The following OPCML variants were observed in gnomAD, a reference collection of about 807,000 sequenced individuals.
OPCML encodes the protein opioid-binding protein/cell adhesion molecule.
A neutral mutation model predicts 37.8 loss-of-function variants in OPCML; 13 were observed. The ratio of observed to expected loss-of-function variants is 0.34; its 90% CI spans 0.22 to 0.55. The LOEUF (loss-of-function observed/expected upper bound fraction) is 0.55, where lower values mean the gene tolerates loss of function less well. OPCML is among the 20% of genes least tolerant of loss of function. The pLI is 0.91. For missense variants in OPCML, 341 were observed against 435.6 expected, an observed-to-expected ratio of 0.78 and a Z score of 1.93; for synonymous variants, 176 against 168.8, an observed-to-expected ratio of 1.04 and a Z score of -0.33.
At chr11:133,246,178 G>T (rs908831174) in intron 1 of OPCML, among the ~76,000 whole-genome samples, 2 of 152,130 alleles carry the variant, frequency 1.3e-5, no homozygotes, top group African/African-American at 4.8e-5. Flanking sequence ...GTTTCATACT[G>T]GACATTAAAA....
chr11:133,075,911 T>G (rs1041930864), intron 1 of OPCML, among the ~76,000 whole-genome samples: 2 of 152,212 alleles, frequency 1.3e-5, no homozygotes, highest in African/African-American at 4.8e-5. Flanking sequence ...TTTTTTCCTT[T>G]TTATTCAGTT....
chr11:132,918,028 C>T (rs889929696), intron 2 of OPCML, among the ~76,000 whole-genome samples: 3 of 152,082 alleles, frequency 2.0e-5, no homozygotes, highest in Non-Finnish European at 2.9e-5. Flanking sequence ...ATATGTTTTC[C>T]TATTTTATGA....
chr11:133,042,788 G>A (rs1174455199), intron 1 of OPCML, among the ~76,000 whole-genome samples: 3 of 152,124 alleles, frequency 2.0e-5, no homozygotes, highest in East Asian at 1.9e-4. Context: ...TCAGCTACTC[G>A]CTGAAGCAAG....
chr11:132,417,051 T>G lies in OPCML; in HGVS notation c.*3142A>C, dbSNP rs2095941192. The G allele has an allele frequency of 6.6e-6, 1 of 152,616 alleles. No individual in the cohort carries two copies. Among genetic ancestry groups the G allele is most frequent in the African/African-American group, 2.4e-5 (1 of 41,448 alleles). The allele number at this position is 152,616 out of a possible 1,614,324, so 9.5% of individuals were successfully genotyped here. A position where few individuals can be genotyped will look rare whatever the true frequency, so the allele number is the denominator to read the frequency against. On this transcript the variant is annotated 3_prime_UTR_variant, in exon 8 of 8. Transcript: ENST00000524381. ...ATCTCCTAACAGGACTTATTTGGCT[T>G]CCTTTTCATGTGGAAAACCTGCAAG... is the stretch of plus-strand genomic sequence containing the variant.
At chr11:132,458,435 C>T (rs538432301) in intron 4 of OPCML, among the ~76,000 whole-genome samples, 1 of 152,136 alleles carries the variant, frequency 6.6e-6, no homozygotes, top group Non-Finnish European at 1.5e-5. Context: ...TCCTTTTCAG[C>T]CTGTCTTGCA....
chr11:132,981,238 C>T (rs1262912738), intron 1 of OPCML, among the ~76,000 whole-genome samples: 8 of 152,204 alleles, frequency 5.3e-5, no homozygotes, highest in African/African-American at 1.9e-4. Context: ...CATTTTAGAA[C>T]ACTTTCAGCC....
intron 1 of OPCML, among the ~76,000 whole-genome samples, chr11:133,459,950 A>G (rs567009910): frequency 6.9e-4 from 105 of 152,180 alleles, no homozygotes; most frequent in Non-Finnish European, 9.7e-4. Context: ...TGCACTCTTC[A>G]TGATAACTCA....
intron 3 of OPCML, among the ~76,000 whole-genome samples, chr11:132,653,542 G>A (rs1483385455): frequency 6.6e-6 from 1 of 152,146 alleles, no homozygotes; most frequent in Non-Finnish European, 1.5e-5. Flanking sequence ...ATGCTCACAC[G>A]GTGCCTGTGC....
chr11:132,989,925 G>A (rs929996961), intron 1 of OPCML, among the ~76,000 whole-genome samples: 5 of 152,006 alleles, frequency 3.3e-5, no homozygotes, highest in Non-Finnish European at 5.9e-5. Flanking sequence ...ATCACCCTTG[G>A]ATGATTTTCC....
intron 1 of OPCML, among the ~76,000 whole-genome samples, chr11:133,505,768 A>G (rs1417105243): frequency 2.0e-5 from 3 of 152,254 alleles, no homozygotes; most frequent in Non-Finnish European, 4.4e-5. Context: ...GACATGAATT[A>G]TAACTATCAC....
intron 2 of OPCML, among the ~76,000 whole-genome samples, chr11:132,928,384 G>A (rs144677208): frequency 6.6e-6 from 1 of 151,864 alleles, no homozygotes; most frequent in Non-Finnish European, 1.5e-5. Flanking sequence ...AAAAACACAT[G>A]ATGTTATATA....
chr11:132,486,770 C>T (rs895362473), intron 4 of OPCML, among the ~76,000 whole-genome samples: 11 of 151,584 alleles, frequency 7.3e-5, no homozygotes, highest in Non-Finnish European at 1.2e-4. Context: ...TGGTATAAAA[C>T]GGATGGCTAG....
At chr11:133,379,646 C>A (rs961520626) in intron 1 of OPCML, among the ~76,000 whole-genome samples, 1 of 152,178 alleles carries the variant, frequency 6.6e-6, no homozygotes, top group Non-Finnish European at 1.5e-5. Flanking sequence ...AGGCTCTGTG[C>A]CGTTTCTCTA....
At chr11:132,807,066 A>C (rs753525455) in intron 2 of OPCML, among the ~76,000 whole-genome samples, 14 of 152,212 alleles carry the variant, frequency 9.2e-5, no homozygotes, top group Non-Finnish European at 2.1e-4. Flanking sequence ...TGCCTGTATT[A>C]GAAAAGAAGA....
chr11:132,438,646 T>G (rs2096021254), intron 4 of OPCML, among the ~76,000 whole-genome samples: 1 of 150,060 alleles, frequency 6.7e-6, no homozygotes, highest in Non-Finnish European at 1.5e-5. Context: ...TGGGCTGGTG[T>G]CCAGGGTATA....
intron 1 of OPCML, among the ~76,000 whole-genome samples, chr11:133,008,672 G>A (rs1296812507): frequency 6.6e-6 from 1 of 152,170 alleles, no homozygotes; most frequent in Non-Finnish European, 1.5e-5. Context: ...CCCTTTGTTT[G>A]GTGGCAACTT....
At chr11:132,661,922 C>T (rs1171698286) in intron 2 of OPCML, among the ~76,000 whole-genome samples, 2 of 152,150 alleles carry the variant, frequency 1.3e-5, no homozygotes, top group Non-Finnish European at 2.9e-5. Context: ...GGAAAGCTAT[C>T]TGGAAGACAC....
intron 1 of OPCML, among the ~76,000 whole-genome samples, chr11:133,153,925 C>T (rs998182747): frequency 6.6e-6 from 1 of 152,126 alleles, no homozygotes; most frequent in South Asian, 2.1e-4. Context: ...GACACGTTGT[C>T]ACAGCTGACA....
chr11:133,239,111 G>A (rs1940631150), intron 1 of OPCML, among the ~76,000 whole-genome samples: 2 of 152,212 alleles, frequency 1.3e-5, no homozygotes, highest in African/African-American at 2.4e-5. Flanking sequence ...GTGTGCAGGG[G>A]AAGGGTGTCT....
Sources: gnomAD v4.1 joint callset for allele counts (sites outside exome capture counted in the v4.1 genomes callset) on GRCh38, gnomAD v4.1.1 for gene constraint, MANE v1.5 for transcripts, NCBI Gene and HGNC (gene_info 2026-07-23, HGNC 2026-07-21) for gene names.